Variants in MACROD2 observed in about 807,000 individuals in gnomAD.
MACROD2 encodes the protein ADP-ribose glycohydrolase MACROD2.
In MACROD2, 36 loss-of-function variants were observed where a neutral mutation model predicts 70.4. The ratio of observed to expected loss-of-function variants is 0.51; its 90% CI spans 0.39 to 0.68. MACROD2 has a LOEUF of 0.68. Among genes scored for constraint, MACROD2 ranks in the 30% least tolerant of loss-of-function variants. MACROD2 has a pLI of 0.00. For missense variants in MACROD2, 496 were observed against 538.4 expected (o/e 0.92, Z 0.78); for synonymous variants, 172 against 178.8 (o/e 0.96, Z 0.30).
chr20:14,548,703 G>A (rs1273469856), intron 4 of MACROD2, among the ~76,000 whole-genome samples: 1 of 11,796 alleles, frequency 8.5e-5, no homozygotes, highest in Non-Finnish European at 2.1e-4. Context: ...GGGCGACAGA[G>A]TGAGACTCCG....
At chr20:15,681,951 G>T (rs2050165711) in intron 8 of MACROD2, among the ~76,000 whole-genome samples, 1 of 152,120 alleles carries the variant, frequency 6.6e-6, no homozygotes, top group Admixed American at 6.5e-5. Flanking sequence ...GTGATAGATT[G>T]GTGGCCATTC....
At chr20:14,782,572 C>T (rs1600658510) in intron 5 of MACROD2, among the ~76,000 whole-genome samples, 1 of 152,010 alleles carries the variant, frequency 6.6e-6, no homozygotes, top group Admixed American at 6.6e-5. Flanking sequence ...GAATTGGACA[C>T]CCACATCTAA....
intron 4 of MACROD2, among the ~76,000 whole-genome samples, chr20:14,684,384 T>C (rs1460636755): frequency 6.6e-6 from 1 of 152,152 alleles, no homozygotes; most frequent in African/African-American, 2.4e-5. Flanking sequence ...CTAGGTTTCT[T>C]ACTGACTTTT....
At chr20:15,507,582 T>C (rs896543017) in intron 8 of MACROD2, among the ~76,000 whole-genome samples, 2 of 151,732 alleles carry the variant, frequency 1.3e-5, no homozygotes, top group Non-Finnish European at 2.9e-5. Flanking sequence ...TCACTCTGAG[T>C]CTGTCATTGT....
intron 2 of MACROD2, among the ~76,000 whole-genome samples, chr20:14,047,562 C>A (rs1490529298): frequency 6.7e-6 from 1 of 149,286 alleles, no homozygotes; most frequent in Non-Finnish European, 1.5e-5. Flanking sequence ...TTTTTTTTTC[C>A]TTAAGCTGGG....
chr20:14,003,352 T>G, intron 2 of MACROD2, among the ~76,000 whole-genome samples: 1 of 152,118 alleles, frequency 6.6e-6, no homozygotes, highest in Non-Finnish European at 1.5e-5. Flanking sequence ...AGGCAAAGCA[T>G]GTGGGATTAG....
At chr20:15,984,203 CA>C (rs1311138843) in intron 13 of MACROD2, among the ~76,000 whole-genome samples, 1 of 152,062 alleles carries the variant, frequency 6.6e-6, no homozygotes, top group Non-Finnish European at 1.5e-5. Context: ...GTCCAGTTCA[CA>C]GAAAAACTGG....
chr20:14,819,373 G>T (rs1291607893), intron 5 of MACROD2, among the ~76,000 whole-genome samples: 1 of 144,882 alleles, frequency 6.9e-6, no homozygotes, highest in Non-Finnish European at 1.5e-5. Context: ...GCTGCAAGAC[G>T]TATTGATAAG....
chr20:15,737,362 T>G (rs933592742), intron 8 of MACROD2, among the ~76,000 whole-genome samples: 5 of 152,326 alleles, frequency 3.3e-5, no homozygotes, highest in Admixed American at 2.6e-4. Context: ...AAGATGAGTT[T>G]TCTAAGGCAG....
intron 13 of MACROD2, among the ~76,000 whole-genome samples, chr20:15,982,557 G>A (rs1049355244): frequency 1.7e-4 from 26 of 152,046 alleles, no homozygotes; most frequent in Admixed American, 2.6e-4. Context: ...TCCTATCCAC[G>A]TACAGCTCCT....
At chr20:15,010,634 G>C (rs551273973) in intron 5 of MACROD2, among the ~76,000 whole-genome samples, 17 of 152,132 alleles carry the variant, frequency 1.1e-4, no homozygotes, top group Admixed American at 5.2e-4. Context: ...AACTATGTTT[G>C]TTCCTATTAA....
chr20:15,903,335 C>A lies in MACROD2; in HGVS notation c.775+17524C>A, dbSNP rs2065094500. ...ACTGTCTCAAAAAAAGAAACAACAA[C>A]AGCGGAAACACAAAATGCTAAAGCC... On this transcript the variant is annotated intron_variant, in intron 10 of 17. Coordinates refer to ENST00000684519, the MANE Select transcript of MACROD2 (RefSeq NM_001351661.2). 3.9e-5 allele frequency among the ~76,000 whole-genome samples: 6 copies of A among 152,266 alleles called. No homozygotes were observed. The South Asian group carries it at 1.2e-3, about 32-fold the overall frequency.
chr20:14,903,631 T>G (rs571692059), intron 5 of MACROD2, among the ~76,000 whole-genome samples: 1 of 152,232 alleles, frequency 6.6e-6, no homozygotes, highest in African/African-American at 2.4e-5. Context: ...ACTTAGAATT[T>G]TGACAGGTTG....
At chr20:14,451,174 G>T (rs2122985866) in intron 3 of MACROD2, among the ~76,000 whole-genome samples, 1 of 152,214 alleles carries the variant, frequency 6.6e-6, no homozygotes, top group African/African-American at 2.4e-5. Flanking sequence ...GGGTGCAGTG[G>T]TTCACACCTA....
chr20:15,051,972 C>G (rs142872707), intron 5 of MACROD2, among the ~76,000 whole-genome samples: 57 of 152,144 alleles, frequency 3.7e-4, no homozygotes, highest in African/African-American at 1.3e-3. Context: ...AGGATGGTCT[C>G]GACCTTTTGA....
At chr20:15,934,302 T>C (rs969218864) in intron 11 of MACROD2, among the ~76,000 whole-genome samples, 1 of 152,132 alleles carries the variant, frequency 6.6e-6, no homozygotes, top group African/African-American at 2.4e-5. Context: ...CCTTGGAGAT[T>C]TTGCTAGGGA....
chr20:15,499,280 A>G (rs1482666965), intron 7 of MACROD2, among the ~76,000 whole-genome samples: 1 of 152,166 alleles, frequency 6.6e-6, no homozygotes, highest in Non-Finnish European at 1.5e-5. Context: ...GAAACAGGAA[A>G]TACCCTCTTT....
At position 14,513,449 on chromosome 20, in the gene MACROD2, A is replaced by T. The variant is rs545601469; in HGVS notation, c.301+19941A>T. Among the ~76,000 whole-genome samples, 4 of 152,134 alleles carry T rather than the reference A, an allele frequency of 2.6e-5. No homozygotes were observed. The South Asian group carries it at 8.3e-4, about 32-fold the overall frequency. Reference sequence around the variant, plus strand: ...TTAATCTCTCAAATTTTTCTCCAAGACTCAAAATTCATGAATTAAATGAGT... The same window carrying T: ...TTAATCTCTCAAATTTTTCTCCAAGTCTCAAAATTCATGAATTAAATGAGT... On this transcript the variant is annotated intron_variant, in intron 4 of 17. Transcript: ENST00000684519.
intron 8 of MACROD2, among the ~76,000 whole-genome samples, chr20:15,795,624 A>G (rs1029912057): frequency 6.6e-6 from 1 of 152,132 alleles, no homozygotes; most frequent in Non-Finnish European, 1.5e-5. Context: ...TATTCTCTAA[A>G]TTGTTTAATC....
Sources: gnomAD v4.1 joint callset for allele counts (sites outside exome capture counted in the v4.1 genomes callset) on GRCh38, gnomAD v4.1.1 for gene constraint, MANE v1.5 for transcripts, NCBI Gene and HGNC (gene_info 2026-07-23, HGNC 2026-07-21) for gene names.